Variants in NCAM1 observed in about 807,000 individuals in gnomAD.
The protein encoded by NCAM1 is neural cell adhesion molecule 1, also known as antigen recognized by monoclonal antibody 5.1H11.
In NCAM1, 14 loss-of-function variants were observed where a neutral mutation model predicts 109.8. The observed-to-expected ratio is 0.13, with a 90% CI of 0.08 to 0.20. The LOEUF is 0.20. NCAM1 is among the 10% of genes least tolerant of loss of function. NCAM1 has a pLI of 1.00. For missense variants in NCAM1, 774 were observed against 1,109.9 expected (o/e 0.70, Z 4.30); for synonymous variants, 418 against 442.9 (o/e 0.94, Z 0.70).
At chr11:113,065,655 G>A (rs1158756361) in intron 1 of NCAM1, among the ~76,000 whole-genome samples, 1 of 152,178 alleles carries the variant, frequency 6.6e-6, no homozygotes, top group Non-Finnish European at 1.5e-5. Context: ...TGCCTTGCCA[G>A]TACTCCTCAA....
chr11:113,014,233 A>G (rs1322182458), intron 1 of NCAM1, among the ~76,000 whole-genome samples: 1 of 152,232 alleles, frequency 6.6e-6, no homozygotes, highest in Non-Finnish European at 1.5e-5. Flanking sequence ...TGAAATAAAT[A>G]AAACAGAGCT....
intron 14 of NCAM1, chr11:113,240,827 C>T: frequency 6.2e-7 from 1 of 1,613,298 alleles, no homozygotes; most frequent in South Asian, 1.1e-5. Flanking sequence ...ATTGTCTCCA[C>T]CAGATAGTGA....
At chr11:113,180,775 C>T (rs939861414) in intron 1 of NCAM1, among the ~76,000 whole-genome samples, 13 of 152,166 alleles carry the variant, frequency 8.5e-5, no homozygotes, top group African/African-American at 3.1e-4. Context: ...ATCCAGCTCC[C>T]CAGCTGCTAG....
At chr11:113,008,162 G>GT (rs1208277058) in intron 1 of NCAM1, among the ~76,000 whole-genome samples, 3 of 152,130 alleles carry the variant, frequency 2.0e-5, no homozygotes, top group Non-Finnish European at 4.4e-5. Context: ...TCTTATTCCA[G>GT]TATGGCCTCA....
chr11:113,117,385 C>T lies in NCAM1; in HGVS notation c.53-84994C>T, dbSNP rs148929074. On this transcript the variant is annotated intron_variant, in intron 1 of 19. Coordinates refer to ENST00000316851, the MANE Select transcript of NCAM1 (RefSeq NM_181351.5). ...AAGTTACACTGTTGTTAGTGAACAA[C>T]GCCTTCCCCTCTTCTCAGCATTCAG... Among the ~76,000 whole-genome samples, 297 of 152,066 alleles carry T rather than the reference C, an allele frequency of 2.0e-3. 6 individuals are homozygous for T. Among genetic ancestry groups the T allele is most frequent in the African/African-American group, 6.7e-3 (276 of 41,350 alleles).
intron 1 of NCAM1, among the ~76,000 whole-genome samples, chr11:113,112,259 A>G (rs1555093863): frequency 6.6e-6 from 1 of 152,124 alleles, no homozygotes; most frequent in East Asian, 1.9e-4. Context: ...TCTCTTTCTT[A>G]TGTTTTGCCA....
chr11:113,158,339 C>G (rs1942486813), intron 1 of NCAM1, among the ~76,000 whole-genome samples: 1 of 152,152 alleles, frequency 6.6e-6, no homozygotes, highest in Admixed American at 6.5e-5. Flanking sequence ...AACTTTGTTT[C>G]TCTGTCAGTA....
At chr11:113,239,692 G>T (rs746703738) in intron 14 of NCAM1, among the ~76,000 whole-genome samples, 1 of 152,032 alleles carries the variant, frequency 6.6e-6, no homozygotes, top group Non-Finnish European at 1.5e-5. Context: ...CACATTGCAA[G>T]TATAACTATG....
At chr11:112,969,903 C>T (rs1454306656) in intron 1 of NCAM1, among the ~76,000 whole-genome samples, 2 of 151,872 alleles carry the variant, frequency 1.3e-5, no homozygotes, top group African/African-American at 2.4e-5. Context: ...AGTAAGTGCC[C>T]GAATGAAGCA....
intron 1 of NCAM1, among the ~76,000 whole-genome samples, chr11:113,064,180 G>A (rs149065733): frequency 6.6e-6 from 1 of 152,338 alleles, no homozygotes; most frequent in Admixed American, 6.5e-5. Context: ...GTGGGGAGAT[G>A]TGGAAATTGC....
In NCAM1 at chr11:112,962,635, G is replaced by A. The variant is rs1430075977; in HGVS notation, c.52+971G>A. ...CAGTAGTGATGCTGCCGCGGGTGGC[G>A]GGGGTTGCGCCGCCGCCCAGAGAAC... is the stretch of plus-strand genomic sequence containing the variant. On this transcript the variant is annotated intron_variant, in intron 1 of 19. Transcript: ENST00000316851. This position sits in a 1 kb window ranked among gnomAD's most constrained non-coding sequence, Gnocchi z 5.6. 5.9e-5 allele frequency among the ~76,000 whole-genome samples: 9 copies of A among 152,102 alleles called. No individual in the cohort carries two copies. Among genetic ancestry groups the A allele is most frequent in the East Asian group, 1.9e-4 (1 of 5,162 alleles).
chr11:113,139,534 C>G (rs1245136), intron 1 of NCAM1, among the ~76,000 whole-genome samples: 8,858 of 152,132 alleles, frequency 0.058, 506 homozygotes, highest in African/African-American at 0.14. Context: ...AAACTGTTAT[C>G]AATTTCATAT....
rs143265819 is a variant in NCAM1, at chr11:113,163,272, C to T, written c.53-39107C>T. Among the ~76,000 whole-genome samples the T allele has an allele frequency of 8.3e-3, 1,256 of 152,190 alleles. 6 individuals carry two copies. Among genetic ancestry groups the T allele is most frequent in the Non-Finnish European group, 0.015 (1,003 of 68,006 alleles). ...CTTTTTCTGTCTGTAAAATAAATACCGCAAAAGTGCTGAAAAAGTCTGGAA... is the reference window on the plus strand; with the variant it reads ...CTTTTTCTGTCTGTAAAATAAATACTGCAAAAGTGCTGAAAAAGTCTGGAA... On this transcript the variant is annotated intron_variant, in intron 1 of 19. Transcript: ENST00000316851.
intron 1 of NCAM1, among the ~76,000 whole-genome samples, chr11:113,019,644 T>C (rs561536791): frequency 1.3e-5 from 2 of 152,324 alleles, no homozygotes; most frequent in Admixed American, 6.5e-5. Context: ...ACTAATAACA[T>C]ATGTATGTGT....
intron 1 of NCAM1, among the ~76,000 whole-genome samples, chr11:113,105,836 T>C (rs1743689529): frequency 1.3e-5 from 2 of 152,204 alleles, no homozygotes; most frequent in Admixed American, 1.3e-4. Context: ...GTGGCGCTGG[T>C]TGCCCAACTC....
chr11:113,129,363 G>A lies in NCAM1; in HGVS notation c.53-73016G>A, dbSNP rs371535348. ...TTTCTACATAATTTTCTGTGCATGC[G>A]GAGCTGGAGCTGTACGTCTCCACTG... On this transcript the variant is annotated intron_variant, in intron 1 of 19. Coordinates refer to ENST00000316851, the MANE Select transcript of NCAM1 (RefSeq NM_181351.5). Among the ~76,000 whole-genome samples the A allele has an allele frequency of 5.3e-5, 8 of 152,158 alleles. No individual in the cohort carries two copies. In the East Asian group the frequency reaches 5.8e-4, roughly 11 times the overall value.
intron 1 of NCAM1, among the ~76,000 whole-genome samples, chr11:112,964,917 G>A (rs1206339565): frequency 6.6e-6 from 1 of 152,184 alleles, no homozygotes; most frequent in African/African-American, 2.4e-5. Flanking sequence ...AAGTTTTTGA[G>A]TTACTATTCC....
intron 1 of NCAM1, among the ~76,000 whole-genome samples, chr11:113,125,981 C>T (rs1941157066): frequency 6.6e-6 from 1 of 151,826 alleles, no homozygotes; most frequent in African/African-American, 2.4e-5. Context: ...CACGCTGAAA[C>T]TCCATCTCTA....
At chr11:113,198,030 T>A (rs1287329644) in intron 1 of NCAM1, among the ~76,000 whole-genome samples, 1 of 152,104 alleles carries the variant, frequency 6.6e-6, no homozygotes, top group Non-Finnish European at 1.5e-5. Context: ...TATCATCAGT[T>A]TAAAAAAAAA....
Sources: gnomAD v4.1 joint callset for allele counts (sites outside exome capture counted in the v4.1 genomes callset) on GRCh38, gnomAD v4.1.1 for gene constraint, Gnocchi (gnomAD v3.1) non-coding constraint, MANE v1.5 for transcripts, NCBI Gene and HGNC (gene_info 2026-07-23, HGNC 2026-07-21) for gene names.